DIRAS2: variants seen among roughly 807,000 people sequenced by gnomAD.
DIRAS2 encodes DIRAS family GTPase 2, also known as GTP-binding protein Di-Ras2.
DIRAS2 carries 5 observed loss-of-function variants against 13.9 expected under a neutral mutation model. The ratio of observed to expected loss-of-function variants is 0.36; its 90% CI spans 0.19 to 0.76. DIRAS2 has a LOEUF of 0.76. Ranked by LOEUF, DIRAS2 falls within the 30% of genes least tolerant of loss-of-function variation. The probability of loss-of-function intolerance (pLI) is 0.53; values close to 1 mark genes in which losing one functional copy is unlikely to be tolerated. For missense variants in DIRAS2, 191 were observed against 263.0 expected (o/e 0.73, Z 1.89); for synonymous variants, 111 against 105.4 (o/e 1.05, Z -0.33).
At chr9:90,639,377 A>G (rs1587728498) in intron 1 of DIRAS2, among the ~76,000 whole-genome samples, 1 of 152,256 alleles carries the variant, frequency 6.6e-6, no homozygotes, top group East Asian at 1.9e-4. Flanking sequence ...TACTCATACC[A>G]GTAAAGCATA....
At chr9:90,624,526 A>G (rs1825249801) in intron 1 of DIRAS2, among the ~76,000 whole-genome samples, 1 of 152,216 alleles carries the variant, frequency 6.6e-6, no homozygotes, top group Non-Finnish European at 1.5e-5. Context: ...GTCAGTGGAG[A>G]TAAATGGGGC....
intron 1 of DIRAS2, among the ~76,000 whole-genome samples, chr9:90,633,225 T>C (rs1006546865): frequency 2.6e-5 from 4 of 152,048 alleles, no homozygotes; most frequent in African/African-American, 9.7e-5. Flanking sequence ...CAGCTTGGGC[T>C]AAGGTGAGAG....
intron 1 of DIRAS2, among the ~76,000 whole-genome samples, chr9:90,617,686 A>T (rs955609100): frequency 6.6e-6 from 1 of 152,194 alleles, no homozygotes; most frequent in Non-Finnish European, 1.5e-5. Context: ...ACAAGGAGAA[A>T]AATTCACAAG....
intron 1 of DIRAS2, among the ~76,000 whole-genome samples, chr9:90,638,664 A>G (rs1459918388): frequency 6.7e-6 from 1 of 149,532 alleles, no homozygotes; most frequent in Non-Finnish European, 1.5e-5. Context: ...GTGTGTGTGC[A>G]CGTAATTGGG....
intron 1 of DIRAS2, among the ~76,000 whole-genome samples, chr9:90,614,306 ATGTGTGTGTGTGTGTGTGTGTG>A (rs34548591): frequency 5.2e-5 from 7 of 134,796 alleles, no homozygotes; most frequent in Non-Finnish European, 1.1e-4. Flanking sequence ...GGTCATCATA[ATGTGTGTGTGTGTGTGTGTGTG>A]TGTGTGTGTG....
At chr9:90,623,063 T>C (rs1323045279) in intron 1 of DIRAS2, among the ~76,000 whole-genome samples, 1 of 152,238 alleles carries the variant, frequency 6.6e-6, no homozygotes, top group Non-Finnish European at 1.5e-5. Context: ...AGTAGTTTCT[T>C]ATCTTAGGAA....
chr9:90,641,140 A>G (rs995040807), intron 1 of DIRAS2, among the ~76,000 whole-genome samples: 8 of 152,230 alleles, frequency 5.3e-5, no homozygotes, highest in African/African-American at 1.9e-4. Context: ...TCTTCTCATG[A>G]GGAAACTGCT....
At chr9:90,628,172 G>T (rs1255061344) in intron 1 of DIRAS2, among the ~76,000 whole-genome samples, 2 of 152,158 alleles carry the variant, frequency 1.3e-5, no homozygotes, top group East Asian at 3.8e-4. Context: ...ACTGTGTGAA[G>T]CCATCACTAT....
intron 1 of DIRAS2, among the ~76,000 whole-genome samples, chr9:90,621,384 C>A (rs887905916): frequency 6.6e-6 from 1 of 152,020 alleles, no homozygotes; most frequent in Non-Finnish European, 1.5e-5. Flanking sequence ...ATGCAAATGG[C>A]AGGTCCGTCT....
In DIRAS2 at chr9:90,613,135, G is replaced by A. The variant is rs1383108177; in HGVS notation, c.*93C>T. 2.7e-6 allele frequency: 4 copies of A among 1,498,766 alleles called. No homozygotes were observed. Among genetic ancestry groups the A allele is most frequent in the African/African-American group, 1.4e-5 (1 of 71,610 alleles). The allele number at this position is 1,498,766 out of a possible 1,614,324, so 92.8% of individuals were successfully genotyped here. On this transcript the variant is annotated 3_prime_UTR_variant, in exon 2 of 2. Coordinates refer to ENST00000375765, the MANE Select transcript of DIRAS2 (RefSeq NM_017594.5). This position sits in a 1 kb window ranked among gnomAD's most constrained non-coding sequence, Gnocchi z 5.6. ...GATTAAATGCAATGTTTAACACGTG[G>A]GCATTATACATGCTACCCTGACGAC...
At chr9:90,629,918 A>G (rs536972341) in intron 1 of DIRAS2, among the ~76,000 whole-genome samples, 1 of 152,340 alleles carries the variant, frequency 6.6e-6, no homozygotes, top group South Asian at 2.1e-4. Context: ...GAAGTTACAC[A>G]CAGAGCTTTG....
At chr9:90,629,654 T>C (rs753315182) in intron 1 of DIRAS2, among the ~76,000 whole-genome samples, 2 of 152,210 alleles carry the variant, frequency 1.3e-5, no homozygotes, top group Non-Finnish European at 2.9e-5. Context: ...TTATATGTAA[T>C]GGAGTAGTAC....
In DIRAS2 at chr9:90,611,704, C is replaced by CA. The variant is rs1166163870; in HGVS notation, c.*1523dup. On this transcript the variant is annotated 3_prime_UTR_variant, in exon 2 of 2. Coordinates refer to ENST00000375765, the MANE Select transcript of DIRAS2 (RefSeq NM_017594.5). ...AACAGCCATGCAGCCCCCACCCCCC[C>CA]AGGCAGGCCCACGTGGGACTGCAGC... is the stretch of plus-strand genomic sequence containing the variant. 3 of 152,334 alleles carry CA rather than the reference C, an allele frequency of 2.0e-5. No homozygotes were observed. The highest frequency in any genetic ancestry group is 3.9e-4 in the East Asian group (2 of 5,192). The allele number at this position is 152,334 out of a possible 1,614,324, so 9.4% of individuals were successfully genotyped here.
At chr9:90,626,652 G>A (rs1407815289) in intron 1 of DIRAS2, among the ~76,000 whole-genome samples, 2 of 152,170 alleles carry the variant, frequency 1.3e-5, no homozygotes, top group South Asian at 2.1e-4. Context: ...AAGATAGAGA[G>A]AAACTGAAAC....
rs1269266134 is a variant in DIRAS2 at position 90,629,222 on chromosome 9, T to C, written c.-37+13530A>G. Among the ~76,000 whole-genome samples the C allele has an allele frequency of 3.9e-5, 6 of 152,322 alleles. No homozygotes were observed. The East Asian group carries it at 9.6e-4, about 24-fold the overall frequency. On this transcript the variant is annotated intron_variant, in intron 1 of 1. Coordinates refer to ENST00000375765, the MANE Select transcript of DIRAS2 (RefSeq NM_017594.5). ...AAATGTGGTTACTACAAATACAAAA[T>C]TACATATGTGGTTCACACGGTCGGT...
Position 90,613,528 on chromosome 9 carries a change from G to T in DIRAS2, c.300C>A (p.Ile100=), listed in dbSNP as rs753530669. The part of the protein sequence containing the change: ...SRQSLEELKP[I]YEQICEIKGD... ...CTTTGATCTCGCAGATTTGTTCGTAGATGGGCTTGAGCTCCTCCAAGGACT... is the reference window on the plus strand; with the variant it reads ...CTTTGATCTCGCAGATTTGTTCGTATATGGGCTTGAGCTCCTCCAAGGACT... Residue 100 remains isoleucine, a synonymous_variant, in exon 2 of 2, where the codon ATC becomes ATA. Transcript: ENST00000375765. This position sits in a 1 kb window ranked among gnomAD's most constrained non-coding sequence, Gnocchi z 5.6. 3 of 1,614,120 alleles carry T rather than the reference G, an allele frequency of 1.9e-6. No homozygotes were observed. The highest frequency in any genetic ancestry group is 2.5e-6 in the Non-Finnish European group (3 of 1,180,030).
Position 90,613,450 on chromosome 9 carries a change from G to T in DIRAS2, c.378C>A (p.Ser126Arg), listed in dbSNP as rs780339793. ...CGCTGCTCTGCACCTCGCGGCTGGG[G>T]CTCTCATCACACTTGTTCCCCACCA... ...IMLVGNKCDE[S>R]PSREVQSSEA... The change falls in exon 2 of 2, where the codon AGC becomes AGA. Residue 126 changes from serine to arginine, a missense_variant. Ser to Arg is a moderately radical substitution (Grantham distance 110, BLOSUM62 -1). Coordinates refer to ENST00000375765, the MANE Select transcript of DIRAS2 (RefSeq NM_017594.5). This position sits in a 1 kb window ranked among gnomAD's most constrained non-coding sequence, Gnocchi z 5.6. 8 of 1,613,906 alleles carry T rather than the reference G, an allele frequency of 5.0e-6. No homozygotes were observed. Among genetic ancestry groups the T allele is most frequent in the Non-Finnish European group, 5.1e-6 (6 of 1,180,032 alleles).
At chr9:90,618,734 A>G (rs1351985057) in intron 1 of DIRAS2, among the ~76,000 whole-genome samples, 1 of 152,238 alleles carries the variant, frequency 6.6e-6, no homozygotes, top group Admixed American at 6.5e-5. Flanking sequence ...AAGACTTAAA[A>G]AGACATTTCT....
intron 1 of DIRAS2, among the ~76,000 whole-genome samples, chr9:90,614,993 A>G (rs1353939302): frequency 1.3e-5 from 2 of 152,202 alleles, no homozygotes; most frequent in Non-Finnish European, 2.9e-5. Flanking sequence ...CACAATTTGG[A>G]TACATTTTTA....
Sources: allele counts gnomAD v4.1 joint callset (sites outside exome capture counted in the v4.1 genomes callset), GRCh38; gene constraint gnomAD v4.1.1; non-coding constraint Gnocchi (gnomAD v3.1); transcripts MANE v1.5; gene names NCBI Gene and HGNC (gene_info 2026-07-23, HGNC 2026-07-21).